TM9SF3: variants seen among roughly 807,000 people sequenced by gnomAD.
TM9SF3 encodes the protein transmembrane 9 superfamily member 3.
In TM9SF3, 14 loss-of-function variants were observed where a neutral mutation model predicts 78.6. The observed-to-expected ratio is 0.18, with a 90% CI of 0.12 to 0.28. TM9SF3 has a LOEUF of 0.28. TM9SF3 is among the 10% of genes least tolerant of loss of function. The pLI is 1.00. For synonymous variants in TM9SF3, 231 were observed against 241.7 expected (o/e 0.96, Z 0.41); for missense variants, 496 against 721.9 (o/e 0.69, Z 3.59).
rs1646178707 is a variant in TM9SF3 at position 96,547,879 on chromosome 10, A to G, written c.1054+16T>C. The G allele has an allele frequency of 6.3e-7, 1 of 1,577,910 alleles. No homozygotes were observed. Among genetic ancestry groups the G allele is most frequent in the African/African-American group, 1.4e-5 (1 of 73,452 alleles). On this transcript the variant is annotated intron_variant, in intron 8 of 14. Transcript: ENST00000371142. ...CATCTATAATTAACAACATGAAGTG[A>G]GAATTCGTAAGTTACCTCCTTGTCT...
intron 9 of TM9SF3, among the ~76,000 whole-genome samples, chr10:96,540,730 A>T (rs1446896855): frequency 7.1e-6 from 1 of 139,942 alleles, no homozygotes; most frequent in Non-Finnish European, 1.5e-5. Flanking sequence ...CTCACCTTAG[A>T]TGATGAAGCT....
intron 3 of TM9SF3, among the ~76,000 whole-genome samples, chr10:96,563,385 T>C (rs941922237): frequency 6.6e-6 from 1 of 151,942 alleles, no homozygotes; most frequent in Non-Finnish European, 1.5e-5. Flanking sequence ...AATTTTTTTT[T>C]TTTTGAGACA....
chr10:96,571,984 G>C (rs949943971), intron 2 of TM9SF3, among the ~76,000 whole-genome samples: 1 of 152,158 alleles, frequency 6.6e-6, no homozygotes, highest in Non-Finnish European at 1.5e-5. Flanking sequence ...AAACCGTCTG[G>C]ATGCTAGACA....
At chr10:96,575,728 C>A (rs61858554) in intron 2 of TM9SF3, among the ~76,000 whole-genome samples, 228 of 146,472 alleles carry the variant, frequency 1.6e-3, no homozygotes, top group Admixed American at 3.9e-3. Flanking sequence ...GAATACAGTA[C>A]CAAAAAAAAA....
At position 96,552,958 on chromosome 10, in the gene TM9SF3, C is replaced by T. The variant is rs1170801286; in HGVS notation, c.762G>A (p.Arg254=). The T allele has an allele frequency of 6.3e-7, 1 of 1,596,042 alleles. No homozygotes were observed. ...CATCCATTTCTTCCTCTTTACTGTA[C>T]CGAGCATAATCTTTTCTTAATGTTC... ...LMRTLRKDYA[R]YSKEEEMDDM... Residue 254 remains arginine, a synonymous_variant, in exon 6 of 15, where the codon CGG becomes CGA. Coordinates refer to ENST00000371142, the MANE Select transcript of TM9SF3 (RefSeq NM_020123.4).
At chr10:96,576,586 T>C in intron 2 of TM9SF3, 48 bp downstream of exon 2, 13 of 1,498,300 alleles carry the variant, frequency 8.7e-6, no homozygotes, top group Non-Finnish European at 9.8e-6. Flanking sequence ...TATGAAACCC[T>C]TGTCTACAAT....
In TM9SF3 at chr10:96,520,023, A is replaced by C. The variant is rs1847745215; in HGVS notation, c.*2240T>G. 6.6e-6 allele frequency: 1 copy of C among 151,934 alleles called. No homozygotes were observed. The highest frequency in any genetic ancestry group is 1.5e-5 in the Non-Finnish European group (1 of 67,826). 9.4% of individuals were successfully genotyped at this position (151,934 alleles called of 1,614,324 possible). A position where few individuals can be genotyped will look rare whatever the true frequency, so the allele number is the denominator to read the frequency against. ...CCCACACATTTTCAATAAACCCTAC[A>C]TCTTACCTGCAAGATTCATATCATG... On this transcript the variant is annotated 3_prime_UTR_variant, in exon 15 of 15. Coordinates refer to ENST00000371142, the MANE Select transcript of TM9SF3 (RefSeq NM_020123.4).
Position 96,521,963 on chromosome 10 carries a change from G to A in TM9SF3, c.*300C>T. The A allele has an allele frequency of 6.3e-6, 2 of 315,620 alleles. No individual in the cohort carries two copies. The highest frequency in any genetic ancestry group is 7.7e-5 in the East Asian group (1 of 13,044). 19.6% of individuals were successfully genotyped at this position (315,620 alleles called of 1,614,324 possible). On this transcript the variant is annotated 3_prime_UTR_variant, in exon 15 of 15. Transcript: ENST00000371142. Reference sequence around the variant, plus strand: ...AAATAAACTATTTGTCCTCTTCACTGAAGAGAGCTGGTCTATTTCATCTTT... The same window carrying A: ...AAATAAACTATTTGTCCTCTTCACTAAAGAGAGCTGGTCTATTTCATCTTT...
intron 1 of TM9SF3, among the ~76,000 whole-genome samples, chr10:96,580,289 G>A (rs1406225875): frequency 7.3e-5 from 11 of 151,234 alleles, no homozygotes; most frequent in African/African-American, 9.8e-5. Context: ...TGTGTGAGAC[G>A]GAGTCTTGCT....
In TM9SF3 at chr10:96,547,964, T is replaced by C. The variant is rs1444759202; in HGVS notation, c.985A>G (p.Ile329Val). ...GGAGACGTAGCAGCATAGACAAATA[T>C]GGCTGTACTGAGCATTGATCCCCTC... ...TERGSMLSTA[I>V]FVYAATSPVN... Residue 329 changes from isoleucine to valine, a missense_variant, in exon 8 of 15, where the codon ATA (isoleucine) becomes GTA (valine). Ile to Val is a conservative substitution (Grantham distance 29). Coordinates refer to ENST00000371142, the MANE Select transcript of TM9SF3 (RefSeq NM_020123.4). 1.2e-6 allele frequency: 2 copies of C among 1,612,112 alleles called. No individual in the cohort carries two copies. The highest frequency in any genetic ancestry group is 8.5e-7 in the Non-Finnish European group (1 of 1,179,262).
chr10:96,560,126 A>C, intron 4 of TM9SF3: 2 of 701,000 alleles, frequency 2.9e-6, no homozygotes, highest in Non-Finnish European at 5.2e-6. Flanking sequence ...TGTTCTCTTG[A>C]GCAGAAGTCA....
At chr10:96,548,181 A>T (rs1405262841) in intron 7 of TM9SF3, among the ~76,000 whole-genome samples, 192 bp from the exon 8 acceptor site, 1 of 152,238 alleles carries the variant, frequency 6.6e-6, no homozygotes, top group East Asian at 1.9e-4. Context: ...CTGCATTTAC[A>T]TGATACCTGG....
At chr10:96,523,307 C>T (rs567493194) in intron 14 of TM9SF3, among the ~76,000 whole-genome samples, 7 of 151,860 alleles carry the variant, frequency 4.6e-5, no homozygotes, top group South Asian at 2.1e-4. Flanking sequence ...TAAGTGCACA[C>T]ACAAATGCCT....
chr10:96,538,710 A>C (rs7093362), intron 9 of TM9SF3, among the ~76,000 whole-genome samples: 4,795 of 152,326 alleles, frequency 0.031, 248 homozygotes, highest in African/African-American at 0.11. Flanking sequence ...TAAAATAGGC[A>C]AAAGATCTGA....
intron 1 of TM9SF3, among the ~76,000 whole-genome samples, chr10:96,582,626 ACAT>A (rs1460840874): frequency 6.6e-6 from 1 of 152,232 alleles, no homozygotes; most frequent in Non-Finnish European, 1.5e-5. Flanking sequence ...ATTTCAAACA[ACAT>A]GTCTGTAATG....
At chr10:96,577,256 C>A (rs373954169) in intron 1 of TM9SF3, among the ~76,000 whole-genome samples, 4 of 116,326 alleles carry the variant, frequency 3.4e-5, no homozygotes, top group East Asian at 2.7e-4. Flanking sequence ...AAAAAAAAAA[C>A]CTAATGTTGC....
chr10:96,547,883 T>C lies in TM9SF3; in HGVS notation c.1054+12A>G. The C allele has an allele frequency of 6.3e-7, 1 of 1,590,672 alleles. No homozygotes were observed. ...TATAATTAACAACATGAAGTGAGAA[T>C]TCGTAAGTTACCTCCTTGTCTAGCA... On this transcript the variant is annotated intron_variant, in intron 8 of 14. Transcript: ENST00000371142.
In TM9SF3 at chr10:96,537,787, A is replaced by G. The variant is rs144866070; in HGVS notation, c.1186-4597T>C. On this transcript the variant is annotated intron_variant, in intron 9 of 14. Coordinates refer to ENST00000371142, the MANE Select transcript of TM9SF3 (RefSeq NM_020123.4). ...ATGGAGGAACAGAAATTTAAAAAATATCATTCACCAACAGAATAATATGAA... is the reference window on the plus strand; with the variant it reads ...ATGGAGGAACAGAAATTTAAAAAATGTCATTCACCAACAGAATAATATGAA... Among the ~76,000 whole-genome samples the G allele has an allele frequency of 3.2e-3, 493 of 152,344 alleles. 2 individuals carry two copies. The highest frequency in any genetic ancestry group is 0.011 in the African/African-American group (441 of 41,578).
chr10:96,522,203 G>A lies in TM9SF3; in HGVS notation c.*60C>T, dbSNP rs993952064. ...CTTCTTGCGTTTGTTTGTTTTTGCT[G>A]TGCAAGTTCCACCCCTATGAAAAAG... On this transcript the variant is annotated 3_prime_UTR_variant, in exon 15 of 15. Coordinates refer to ENST00000371142, the MANE Select transcript of TM9SF3 (RefSeq NM_020123.4). 2.1e-6 allele frequency: 3 copies of A among 1,425,884 alleles called. No individual in the cohort carries two copies. Among genetic ancestry groups the A allele is most frequent in the East Asian group, 4.7e-5 (2 of 42,116 alleles). 88.3% of individuals were successfully genotyped at this position (1,425,884 alleles called of 1,614,324 possible). A position where few individuals can be genotyped will look rare whatever the true frequency, so the allele number is the denominator to read the frequency against.
Sources: allele counts gnomAD v4.1 joint callset (sites outside exome capture counted in the v4.1 genomes callset), GRCh38; gene constraint gnomAD v4.1.1; transcripts MANE v1.5; gene names NCBI Gene and HGNC (gene_info 2026-07-23, HGNC 2026-07-21).